RASSF3: variants seen among roughly 807,000 people sequenced by gnomAD.
RASSF3 encodes ras association domain-containing protein 3.
In RASSF3, 19 loss-of-function variants were observed where a neutral mutation model predicts 19.9. The ratio of observed to expected loss-of-function variants is 0.96; its 90% CI spans 0.67 to 1.40. The LOEUF (loss-of-function observed/expected upper bound fraction) is 1.40. Among genes scored for constraint, RASSF3 ranks in the 40% most tolerant of loss-of-function variants. The probability of loss-of-function intolerance (pLI) is 0.00; values close to 1 mark genes in which losing one functional copy is unlikely to be tolerated. For synonymous variants in RASSF3, 110 were observed against 104.2 expected, an observed-to-expected ratio of 1.06 and a Z score of -0.34; for missense variants, 306 against 289.8, an observed-to-expected ratio of 1.06 and a Z score of -0.41.
Position 64,590,925 on chromosome 12 carries a change from A to G in RASSF3, c.294+49220A>G, listed in dbSNP as rs368704189. ...AAGAGCATCAACCAAGACACAGCAA[A>G]CTATTATTATTGTACTCCGGTTATC... is the stretch of plus-strand genomic sequence containing the variant. On this transcript the variant is annotated intron_variant, in intron 2 of 5. Coordinates refer to the RASSF3 transcript ENST00000637125. 3.3e-5 allele frequency among the ~76,000 whole-genome samples: 5 copies of G among 152,322 alleles called. No homozygotes were observed. In the East Asian group the frequency reaches 9.6e-4, roughly 29 times the overall value.
upstream of RASSF3, among the ~76,000 whole-genome samples, chr12:64,608,426 A>G (rs527823104): frequency 5.4e-4 from 82 of 152,164 alleles, no homozygotes; most frequent in Middle Eastern, 6.8e-3. Context: ...GGTTCAAGCG[A>G]TTCTCCTGCC....
chr12:64,548,123 G>A (rs1230064546), intron 2 of RASSF3, among the ~76,000 whole-genome samples: 2 of 152,030 alleles, frequency 1.3e-5, no homozygotes, highest in Non-Finnish European at 2.9e-5. Flanking sequence ...TAATATTTAT[G>A]AATCTTTCAT....
intron 1 of RASSF3, among the ~76,000 whole-genome samples, chr12:64,683,466 G>A (rs558500148): frequency 2.2e-4 from 33 of 152,340 alleles, no homozygotes; most frequent in African/African-American, 7.2e-4. Flanking sequence ...CCTCTAGAGT[G>A]TGGGGAGGTA....
intron 2 of RASSF3, among the ~76,000 whole-genome samples, chr12:64,601,587 TGAG>T (rs1448926401): frequency 6.6e-6 from 1 of 151,846 alleles, no homozygotes; most frequent in Admixed American, 6.6e-5. Context: ...TATGGGAGGC[TGAG>T]GTGGGTGGAT....
intron 1 of RASSF3, among the ~76,000 whole-genome samples, chr12:64,522,938 A>G (rs1868509250): frequency 6.6e-6 from 1 of 152,206 alleles, no homozygotes; most frequent in African/African-American, 2.4e-5. Flanking sequence ...AAATCCAGAA[A>G]AAGAGTGTTG....
intron 1 of RASSF3, among the ~76,000 whole-genome samples, chr12:64,508,834 C>T (rs1484872756): frequency 2.7e-5 from 4 of 150,884 alleles, no homozygotes; most frequent in Non-Finnish European, 5.9e-5. Context: ...TGCGGTGAGC[C>T]GAGATTGTGC....
upstream of RASSF3, among the ~76,000 whole-genome samples, chr12:64,609,119 C>T (rs894890303): frequency 6.6e-6 from 1 of 152,106 alleles, no homozygotes; most frequent in South Asian, 2.1e-4. Flanking sequence ...TGAGTCAATT[C>T]TTCTCTCCTT....
At chr12:64,571,361 A>G (rs1411420984) in intron 2 of RASSF3, among the ~76,000 whole-genome samples, 1 of 152,186 alleles carries the variant, frequency 6.6e-6, no homozygotes, top group East Asian at 1.9e-4. Flanking sequence ...TTTTCAGGAC[A>G]TGGACTTCAG....
intron 1 of RASSF3, among the ~76,000 whole-genome samples, chr12:64,666,505 T>C (rs1872542438): frequency 6.6e-6 from 1 of 152,250 alleles, no homozygotes; most frequent in Non-Finnish European, 1.5e-5. Flanking sequence ...AGCAGTGTAC[T>C]CTGGTTTTCC....
At chr12:64,687,658 G>A (rs1326188646) in intron 2 of RASSF3, among the ~76,000 whole-genome samples, 1 of 152,064 alleles carries the variant, frequency 6.6e-6, no homozygotes, top group East Asian at 1.9e-4. Flanking sequence ...GCATTAAAAA[G>A]TTTAAGCAGA....
intron 2 of RASSF3, among the ~76,000 whole-genome samples, chr12:64,595,064 C>CTTTTT (rs1171762487): frequency 0.015 from 1,364 of 90,968 alleles, 65 homozygotes; most frequent in Non-Finnish European, 0.02. Context: ...CATATGAAAT[C>CTTTTT]TTTTTTTTTT....
chr12:64,628,194 T>G (rs908250000), intron 1 of RASSF3: 5 of 152,322 alleles, frequency 3.3e-5, no homozygotes, highest in Non-Finnish European at 5.9e-5. Context: ...ACAAGTTTCT[T>G]TCTTTCTTTT....
intron 1 of RASSF3, among the ~76,000 whole-genome samples, chr12:64,518,128 A>T (rs1329995083): frequency 2.6e-5 from 4 of 152,210 alleles, no homozygotes; most frequent in Non-Finnish European, 5.9e-5. Flanking sequence ...AAGATAAAAA[A>T]TTAATCATTC....
At chr12:64,574,242 C>T (rs1313799322) in intron 2 of RASSF3, among the ~76,000 whole-genome samples, 5 of 150,040 alleles carry the variant, frequency 3.3e-5, no homozygotes, top group East Asian at 2.0e-4. Flanking sequence ...ACCTGGGAGA[C>T]GGAGGTTGCA....
chr12:64,520,315 G>A (rs1418552823), intron 1 of RASSF3, among the ~76,000 whole-genome samples: 15 of 151,454 alleles, frequency 9.9e-5, no homozygotes, highest in Non-Finnish European at 1.5e-4. Context: ...GGCACATGCC[G>A]CCATGCCCGG....
chr12:64,682,811 A>T (rs1276657123), intron 1 of RASSF3, among the ~76,000 whole-genome samples: 1 of 152,204 alleles, frequency 6.6e-6, no homozygotes, highest in East Asian at 1.9e-4. Flanking sequence ...TGTGTCTGGC[A>T]GAAAGAGGCG....
rs1868337182 is a variant in RASSF3, at chr12:64,695,190, A to G, written c.*278A>G. On this transcript the variant is annotated 3_prime_UTR_variant, in exon 5 of 5. Transcript: ENST00000542104. The stretch of plus-strand genomic sequence containing the variant: ...GGAGCATTCGAGGGTGCTTGGAAGC[A>G]TGAACTCTGGGGGTGTTTTTTTTTT... 1 of 331,280 alleles carries G rather than the reference A, an allele frequency of 3.0e-6. No individual in the cohort carries two copies. Among genetic ancestry groups the G allele is most frequent in the Admixed American group, 4.4e-5 (1 of 22,554 alleles). The allele number at this position is 331,280 out of a possible 1,614,324, so 20.5% of individuals were successfully genotyped here.
At chr12:64,520,851 C>A (rs1474184091) in intron 1 of RASSF3, among the ~76,000 whole-genome samples, 1 of 152,018 alleles carries the variant, frequency 6.6e-6, no homozygotes, top group Non-Finnish European at 1.5e-5. Context: ...CTTTAAACAT[C>A]TAGGACCCCA....
At chr12:64,632,913 G>A (rs1486249963) in intron 1 of RASSF3, among the ~76,000 whole-genome samples, 4 of 152,190 alleles carry the variant, frequency 2.6e-5, no homozygotes, top group Admixed American at 2.6e-4. Context: ...GACCATTTGA[G>A]TGTATTTTTA....
Sources: allele counts gnomAD v4.1 joint callset (sites outside exome capture counted in the v4.1 genomes callset), GRCh38; gene constraint gnomAD v4.1.1; transcripts MANE v1.5; gene names NCBI Gene and HGNC (gene_info 2026-07-23, HGNC 2026-07-21).